The following ACE variants were observed in gnomAD, a reference collection of about 807,000 sequenced individuals.
The protein encoded by ACE is angiotensin I converting enzyme.
Under a neutral mutation model 162.3 loss-of-function variants are expected in ACE, and 122 were observed. The observed-to-expected ratio is 0.75, with a 90% CI of 0.65 to 0.87. The LOEUF (loss-of-function observed/expected upper bound fraction) is 0.87, where lower values mean the gene tolerates loss of function less well. Ranked by LOEUF, ACE falls within the 40% of genes least tolerant of loss-of-function variation. The pLI, the probability that ACE is intolerant of heterozygous loss-of-function variation, is 0.00. For missense variants in ACE, 1,799 were observed against 1,735.1 expected (o/e 1.04, Z -0.65); for synonymous variants, 796 against 720.6 (o/e 1.10, Z -1.68).
In ACE at chr17:63,480,544, C is replaced by T. The variant is rs371415586; in HGVS notation, c.847+16C>T. On this transcript the variant is annotated intron_variant, in intron 5 of 24. Coordinates refer to ENST00000290866, the MANE Select transcript of ACE (RefSeq NM_000789.4). ...CATCTGCTGGGTAAGGACCTGGCCT[C>T]GCCTCCACATGAGTCCCACGGAAGT... is the stretch of plus-strand genomic sequence containing the variant. The T allele has an allele frequency of 1.2e-5, 19 of 1,613,008 alleles. No homozygotes were observed. Among genetic ancestry groups the T allele is most frequent in the Admixed American group, 1.7e-5 (1 of 60,004 alleles).
chr17:63,483,551 T>C lies in ACE; in HGVS notation c.1579T>C (p.Tyr527His). 6.2e-7 allele frequency: 1 copy of C among 1,613,730 alleles called. No individual in the cohort carries two copies. The highest frequency in any genetic ancestry group is 8.5e-7 in the Non-Finnish European group (1 of 1,179,782). The change falls in exon 10 of 25, where the codon TAC (tyrosine) becomes CAC (histidine). Residue 527 changes from tyrosine (Y) to histidine (H), a missense_variant. By Grantham distance (83) the Tyr-to-His change is moderately conservative. Coordinates refer to ENST00000290866, the MANE Select transcript of ACE (RefSeq NM_000789.4). ...AKFHVPNVTP[Y>H]IRYFVSFVLQ... ...GTTTCATGTTCCAAATGTGACACCATACATCAGGTATTAGCGCCCCCACCC... is the reference window on the plus strand; with the variant it reads ...GTTTCATGTTCCAAATGTGACACCACACATCAGGTATTAGCGCCCCCACCC...
intron 13 of ACE, 140 bp from the exon 14 acceptor site, chr17:63,486,417 G>A (rs757367005): frequency 5.6e-6 from 5 of 898,494 alleles, no homozygotes; most frequent in Non-Finnish European, 7.2e-6. Flanking sequence ...CTTGCAGAGA[G>A]TCTTATAGGC....
At chr17:63,495,192 A>G (rs2030652317) in intron 22 of ACE, among the ~76,000 whole-genome samples, 1 of 152,200 alleles carries the variant, frequency 6.6e-6, no homozygotes, top group Admixed American at 6.5e-5. Flanking sequence ...TGCAGGTCAC[A>G]TGGCCACAGA....
In ACE at chr17:63,480,547, C is replaced by A. The variant is rs374314821; in HGVS notation, c.847+19C>A. Reference sequence around the variant, plus strand: ...CTGCTGGGTAAGGACCTGGCCTCGCCTCCACATGAGTCCCACGGAAGTGTG... The same window carrying A: ...CTGCTGGGTAAGGACCTGGCCTCGCATCCACATGAGTCCCACGGAAGTGTG... On this transcript the variant is annotated intron_variant, in intron 5 of 24. Coordinates refer to ENST00000290866, the MANE Select transcript of ACE (RefSeq NM_000789.4). 4 of 1,612,914 alleles carry A rather than the reference C, an allele frequency of 2.5e-6. No homozygotes were observed. The highest frequency in any genetic ancestry group is 3.4e-6 in the Non-Finnish European group (4 of 1,179,922).
intron 19 of ACE, among the ~76,000 whole-genome samples, chr17:63,493,130 C>G (rs1398392120): frequency 6.6e-6 from 1 of 152,214 alleles, no homozygotes; most frequent in African/African-American, 2.4e-5. Context: ...TACACAATGT[C>G]CCAGTGCCTC....
chr17:63,492,856 A>G (rs1449426984), intron 19 of ACE, among the ~76,000 whole-genome samples: 2 of 152,172 alleles, frequency 1.3e-5, no homozygotes, highest in African/African-American at 2.4e-5. Context: ...ACCCCATTTC[A>G]TAAAAAATAA....
intron 14 of ACE, 116 bp downstream of exon 14, chr17:63,486,831 T>G (rs1304085337): frequency 2.0e-6 from 3 of 1,499,280 alleles, no homozygotes; most frequent in East Asian, 4.5e-5. Flanking sequence ...TCATGGCATC[T>G]GCCATGCGAT....
intron 15 of ACE, among the ~76,000 whole-genome samples, chr17:63,487,284 C>A (rs967419999): frequency 1.3e-5 from 2 of 152,144 alleles, no homozygotes; most frequent in African/African-American, 4.8e-5. Flanking sequence ...AGCTGCCCCT[C>A]CCTCAGAACC....
chr17:63,483,567 G>GCGGGGGCCCCCCC lies in ACE; in HGVS notation c.1586+10_1586+11insGGGGGCCCCCCCC. The GCGGGGGCCCCCCC allele has an allele frequency of 6.3e-7, 1 of 1,589,468 alleles. No individual in the cohort carries two copies. Among genetic ancestry groups the GCGGGGGCCCCCCC allele is most frequent in the African/African-American group, 1.4e-5 (1 of 71,660 alleles). ...GTGACACCATACATCAGGTATTAGC[G>GCGGGGGCCCCCCC]CCCCCACCCCACCCACCCCCAGTAC... On this transcript the variant is annotated intron_variant, in intron 10 of 24. Coordinates refer to ENST00000290866, the MANE Select transcript of ACE (RefSeq NM_000789.4).
At chr17:63,493,293 C>T (rs1032952183) in intron 19 of ACE, 143 bp from the exon 20 acceptor site, 9 of 769,870 alleles carry the variant, frequency 1.2e-5, no homozygotes, top group South Asian at 3.4e-5. Flanking sequence ...GTTGCCCTTC[C>T]CCTCCCTCCC....
In ACE at chr17:63,479,750, C is replaced by T; in HGVS notation, c.512-19C>T. 1.2e-6 allele frequency: 2 copies of T among 1,612,860 alleles called. No individual in the cohort carries two copies. Among genetic ancestry groups the T allele is most frequent in the South Asian group, 2.2e-5 (2 of 91,080 alleles). On this transcript the variant is annotated intron_variant, in intron 3 of 24. Coordinates refer to ENST00000290866, the MANE Select transcript of ACE (RefSeq NM_000789.4). Reference sequence around the variant, plus strand: ...CAACGTGGAGGCCTCCTCACCGACCCTGCCTGCCTGTGTCTCAGATCTCAC... The same window carrying T: ...CAACGTGGAGGCCTCCTCACCGACCTTGCCTGCCTGTGTCTCAGATCTCAC...
At chr17:63,483,327 C>G (rs531653469) in intron 9 of ACE, 133 bp from the exon 10 acceptor site, 6 of 1,488,132 alleles carry the variant, frequency 4.0e-6, no homozygotes, top group Non-Finnish European at 5.6e-6. Flanking sequence ...CCTGAAACTC[C>G]CTCTTCCAGG....
At chr17:63,493,318 C>T (rs1011914487) in intron 19 of ACE, 118 bp from the exon 20 acceptor site, 8 of 945,970 alleles carry the variant, frequency 8.5e-6, no homozygotes, top group Non-Finnish European at 3.4e-6. Flanking sequence ...GTGCTGTGTC[C>T]CCTGCATGCT....
chr17:63,480,725 C>T (rs964836766), intron 5 of ACE, among the ~76,000 whole-genome samples, 197 bp downstream of exon 5: 15 of 152,216 alleles, frequency 9.9e-5, no homozygotes, highest in African/African-American at 3.4e-4. Flanking sequence ...GGCTTAGGGT[C>T]GTGAGGGACT....
Position 63,484,374 on chromosome 17 carries a change from T to G in ACE, c.1754T>G (p.Leu585Arg). The G allele has an allele frequency of 6.2e-7, 1 of 1,611,830 alleles. No individual in the cohort carries two copies. Among genetic ancestry groups the G allele is most frequent in the Non-Finnish European group, 8.5e-7 (1 of 1,179,912 alleles). ...TCCTCCAGGCCCTGGCAGGAGGTGC[T>G]GAAGGACATGGTCGGCTTAGATGCC... Reference protein sequence around the residue: ...AGSSRPWQEVLKDMVGLDALD... With the variant: ...AGSSRPWQEVRKDMVGLDALD... The change falls in exon 12 of 25, where the codon CTG (leucine) becomes CGG (arginine). Residue 585 changes from leucine to arginine, a missense_variant. Physicochemically the swap from Leu to Arg is moderately radical, Grantham distance 102. Coordinates refer to ENST00000290866, the MANE Select transcript of ACE (RefSeq NM_000789.4). The surrounding 1 kb of genome is among the most constrained non-coding windows in gnomAD (Gnocchi z 4.0).
At chr17:63,492,628 C>T (rs535996304) in intron 19 of ACE, among the ~76,000 whole-genome samples, 1 of 152,328 alleles carries the variant, frequency 6.6e-6, no homozygotes, top group African/African-American at 2.4e-5. Flanking sequence ...TTCCTTCCCC[C>T]TCCCCGATGA....
Position 63,478,861 on chromosome 17 carries a change from CACTT to C in ACE, c.418-144_418-141del, listed in dbSNP as rs1469929631. The C allele has an allele frequency of 4.1e-5, 29 of 713,140 alleles. No individual in the cohort carries two copies. In the East Asian group the frequency reaches 7.1e-4, roughly 17 times the overall value. 44.2% of individuals were successfully genotyped at this position (713,140 alleles called of 1,614,324 possible). ...GAAGTGATCCGGTCACACTAAGTGA[CACTT>C]AGTGATCAGAAGTGCCCCGGTGCCA... is the stretch of plus-strand genomic sequence containing the variant. On this transcript the variant is annotated intron_variant, in intron 2 of 24. Coordinates refer to ENST00000290866, the MANE Select transcript of ACE (RefSeq NM_000789.4).
At chr17:63,480,972 C>G in intron 5 of ACE, 119 bp from the exon 6 acceptor site, 2 of 957,942 alleles carry the variant, frequency 2.1e-6, no homozygotes, top group Non-Finnish European at 3.4e-6. Flanking sequence ...TAAGCCAGGC[C>G]TGCAGCCCTT....
rs4321 is a variant in ACE, at chr17:63,485,413, T to C, written c.2058+41T>C. 768,284 of 1,610,974 alleles carry C rather than the reference T, an allele frequency of 0.48. 185,626 individuals are homozygous for C. The highest frequency in any genetic ancestry group is 0.65 in the East Asian group (29,317 of 44,830). On this transcript the variant is annotated intron_variant, in intron 13 of 24. Transcript: ENST00000290866. The stretch of plus-strand genomic sequence containing the variant: ...CCACCCCCAAACCTGAGCATGTGCA[T>C]ACACACAGAGATGCTGTCCCGCTCA...
Sources: allele counts gnomAD v4.1 joint callset (sites outside exome capture counted in the v4.1 genomes callset), GRCh38; gene constraint gnomAD v4.1.1; non-coding constraint Gnocchi (gnomAD v3.1); transcripts MANE v1.5; gene names NCBI Gene and HGNC (gene_info 2026-07-23, HGNC 2026-07-21).